The following NCAM2 variants were observed in gnomAD, a reference collection of about 807,000 sequenced individuals.
NCAM2 encodes N-CAM-2.
NCAM2 carries 30 observed loss-of-function variants against 98.1 expected under a neutral mutation model. That is an observed-to-expected ratio of 0.31 (90% CI 0.23 to 0.41). The LOEUF (loss-of-function observed/expected upper bound fraction) is 0.41, where lower values mean the gene tolerates loss of function less well. Among genes scored for constraint, NCAM2 ranks in the 10% least tolerant of loss-of-function variants. NCAM2 has a pLI of 1.00. For synonymous variants in NCAM2, 368 were observed against 342.4 expected (o/e 1.07, Z -0.83); for missense variants, 867 against 1,005.8 (o/e 0.86, Z 1.87).
chr21:21,143,339 G>A (rs986674029), intron 1 of NCAM2, among the ~76,000 whole-genome samples: 1 of 152,020 alleles, frequency 6.6e-6, no homozygotes, highest in Non-Finnish European at 1.5e-5. Context: ...TCTATTTTAG[G>A]TGTTCTTTAT....
At position 21,473,443 on chromosome 21, in the gene NCAM2, CA is replaced by C. The variant is rs1046734069; in HGVS notation, c.1897-3845del. 2.0e-5 allele frequency among the ~76,000 whole-genome samples: 3 copies of C among 147,520 alleles called. No individual in the cohort carries two copies. The Admixed American group carries it at 2.0e-4, about 10-fold the overall frequency. On this transcript the variant is annotated intron_variant, in intron 14 of 17. Coordinates refer to ENST00000400546, the MANE Select transcript of NCAM2 (RefSeq NM_004540.5). ...ATCACCTCTCTGACATTGAGAGTAG[CA>C]AATGGAGTTTTAAATAATTTCTGGG...
intron 5 of NCAM2, among the ~76,000 whole-genome samples, chr21:21,311,556 G>A (rs7281060): frequency 0.74 from 112,211 of 151,786 alleles, 41,601 homozygotes; most frequent in South Asian, 0.83. Context: ...TTAGCCAGGA[G>A]GGTCTCGATC....
chr21:21,447,894 A>G (rs901553474), intron 12 of NCAM2, among the ~76,000 whole-genome samples: 1 of 152,166 alleles, frequency 6.6e-6, no homozygotes, highest in Non-Finnish European at 1.5e-5. Context: ...TCAAGAAACA[A>G]TAGATGCCAG....
chr21:21,418,373 T>C, intron 10 of NCAM2, 100 bp from the exon 11 acceptor site: 1 of 820,286 alleles, frequency 1.2e-6, no homozygotes, highest in Non-Finnish European at 2.0e-6. Context: ...AGTTGTTGGG[T>C]AAAAAATGAA....
intron 1 of NCAM2, among the ~76,000 whole-genome samples, chr21:21,080,136 A>G (rs992397425): frequency 6.6e-6 from 1 of 152,194 alleles, no homozygotes; most frequent in Non-Finnish European, 1.5e-5. Context: ...GAGGTGATGG[A>G]TATGTTGATT....
At chr21:21,316,438 G>A (rs2074220711) in intron 5 of NCAM2, among the ~76,000 whole-genome samples, 2 of 150,152 alleles carry the variant, frequency 1.3e-5, no homozygotes, top group South Asian at 4.2e-4. Context: ...TTTATTTTTT[G>A]TATTATTAAG....
intron 5 of NCAM2, among the ~76,000 whole-genome samples, chr21:21,317,471 A>C: frequency 6.6e-6 from 1 of 152,190 alleles, no homozygotes; most frequent in East Asian, 1.9e-4. Flanking sequence ...CCTTTAGATT[A>C]CTTTTAAATA....
intron 1 of NCAM2, among the ~76,000 whole-genome samples, chr21:21,084,366 C>T (rs1409255007): frequency 1.3e-5 from 2 of 152,082 alleles, no homozygotes; most frequent in Admixed American, 6.5e-5. Flanking sequence ...TCCTGTTAAC[C>T]ACCGTTGTCA....
chr21:21,423,834 A>C (rs897728237), intron 11 of NCAM2, among the ~76,000 whole-genome samples: 1 of 152,136 alleles, frequency 6.6e-6, no homozygotes. Flanking sequence ...TGAAGCACTC[A>C]TCTGTATTTT....
chr21:21,441,851 A>G (rs917743235), intron 12 of NCAM2, among the ~76,000 whole-genome samples: 1 of 152,118 alleles, frequency 6.6e-6, no homozygotes, highest in Non-Finnish European at 1.5e-5. Flanking sequence ...AGAGAGAAAA[A>G]ATCAGATGGC....
At chr21:21,124,343 G>A (rs948606028) in intron 1 of NCAM2, among the ~76,000 whole-genome samples, 1 of 152,060 alleles carries the variant, frequency 6.6e-6, no homozygotes, top group African/African-American at 2.4e-5. Context: ...AAGTGCCTGT[G>A]TGTATTGCAA....
rs1443503364 is a variant in NCAM2, at chr21:21,338,447, A to G, written c.957A>G (p.Thr319=). Reference sequence around the variant, plus strand: ...CTACATATGAGAATGGTCAAGTCACACTCGTATGTGATGCGGAAGGGGAGC... The same window carrying G: ...CTACATATGAGAATGGTCAAGTCACGCTCGTATGTGATGCGGAAGGGGAGC... ...NETTYENGQV[T]LVCDAEGEPI... Residue 319 remains threonine (T), a synonymous_variant, in exon 8 of 18, where the codon ACA becomes ACG. Coordinates refer to ENST00000400546, the MANE Select transcript of NCAM2 (RefSeq NM_004540.5). 1 of 1,612,864 alleles carries G rather than the reference A, an allele frequency of 6.2e-7. No individual in the cohort carries two copies. The highest frequency in any genetic ancestry group is 1.1e-5 in the South Asian group (1 of 91,020).
intron 1 of NCAM2, among the ~76,000 whole-genome samples, chr21:21,257,923 T>C (rs2071738695): frequency 6.6e-6 from 1 of 152,154 alleles, no homozygotes; most frequent in Non-Finnish European, 1.5e-5. Flanking sequence ...CACACACGTA[T>C]GGTGAAGAGG....
rs544764461 is a variant in NCAM2, at chr21:21,476,766, T to A, written c.1897-525T>A. ...ACTTAGTAATTTTGTTTGTATATTA[T>A]TTTATGTCATAAAACATCATAGTAG... On this transcript the variant is annotated intron_variant, in intron 14 of 17. Transcript: ENST00000400546. Among the ~76,000 whole-genome samples, 4 of 152,178 alleles carry A rather than the reference T, an allele frequency of 2.6e-5. No individual in the cohort carries two copies. In the East Asian group the frequency reaches 7.7e-4, roughly 29 times the overall value.
intron 15 of NCAM2, among the ~76,000 whole-genome samples, chr21:21,496,088 C>T (rs1489069791): frequency 6.6e-6 from 1 of 150,568 alleles, no homozygotes; most frequent in African/African-American, 2.4e-5. Context: ...TATGAGTGCA[C>T]GTGTCTTTTG....
chr21:21,060,478 AT>A (rs2065299463), intron 1 of NCAM2, among the ~76,000 whole-genome samples: 1 of 152,102 alleles, frequency 6.6e-6, no homozygotes, highest in Non-Finnish European at 1.5e-5. Flanking sequence ...CTTTCCATAT[AT>A]TTAAAATGTT....
intron 1 of NCAM2, among the ~76,000 whole-genome samples, chr21:21,204,084 C>G (rs2826732): frequency 0.48 from 72,353 of 151,854 alleles, 18,043 homozygotes; most frequent in South Asian, 0.62. Flanking sequence ...TCTAACATAC[C>G]TGTTTACCTT....
At chr21:21,020,727 G>C (rs57312846) in intron 1 of NCAM2, among the ~76,000 whole-genome samples, 78,887 of 151,968 alleles carry the variant, frequency 0.52, 21,104 homozygotes, top group East Asian at 0.78. Context: ...CAGCTAGTTC[G>C]GTAACAATAT....
intron 8 of NCAM2, among the ~76,000 whole-genome samples, chr21:21,349,684 T>A (rs546337588): frequency 1.7e-4 from 26 of 152,206 alleles, no homozygotes; most frequent in African/African-American, 6.0e-4. Flanking sequence ...AACCTAAGTG[T>A]CCATCAACAG....
Sources: gnomAD v4.1 joint callset for allele counts (sites outside exome capture counted in the v4.1 genomes callset) on GRCh38, gnomAD v4.1.1 for gene constraint, MANE v1.5 for transcripts, NCBI Gene and HGNC (gene_info 2026-07-23, HGNC 2026-07-21) for gene names.